Variants in ZBTB44 observed in about 807,000 individuals in gnomAD.
The protein encoded by ZBTB44 is zinc finger and BTB domain containing 44.
A neutral mutation model predicts 54.0 loss-of-function variants in ZBTB44; 15 were observed. The observed-to-expected ratio is 0.28, with a 90% CI of 0.19 to 0.43. The LOEUF is 0.43. Among genes scored for constraint, ZBTB44 ranks in the 20% least tolerant of loss-of-function variants. ZBTB44 has a pLI of 1.00. For missense variants in ZBTB44, 487 were observed against 707.1 expected, an observed-to-expected ratio of 0.69 and a Z score of 3.53; for synonymous variants, 230 against 250.1, an observed-to-expected ratio of 0.92 and a Z score of 0.76.
At position 130,229,599 on chromosome 11, in the gene ZBTB44, A is replaced by ATGGTT. The variant is rs2136238922; in HGVS notation, c.*2164_*2165insAACCA. On this transcript the variant is annotated 3_prime_UTR_variant, in exon 8 of 8. Coordinates refer to ENST00000357899, the MANE Select transcript of ZBTB44 (RefSeq NM_001301098.2). Reference sequence around the variant, plus strand: ...AAGGAACAACTTAATTTAAATGTTCATAGTTTGAGTTTAAAGCCTGTGGGA... The same window carrying ATGGTT: ...AAGGAACAACTTAATTTAAATGTTCATGGTTTAGTTTGAGTTTAAAGCCTGTGGGA... 6.6e-6 allele frequency: 1 copy of ATGGTT among 152,306 alleles called. No individual in the cohort carries two copies. The highest frequency in any genetic ancestry group is 1.5e-5 in the Non-Finnish European group (1 of 67,998). The allele number at this position is 152,306 out of a possible 1,614,324, so 9.4% of individuals were successfully genotyped here.
At chr11:130,301,752 A>G (rs549805172) in intron 1 of ZBTB44, among the ~76,000 whole-genome samples, 1 of 152,348 alleles carries the variant, frequency 6.6e-6, no homozygotes, top group East Asian at 1.9e-4. Context: ...TTTTATATTA[A>G]AAGTAGTAAC....
chr11:130,237,269 C>T (rs1190536631), intron 4 of ZBTB44, among the ~76,000 whole-genome samples, 176 bp from the exon 5 acceptor site: 1 of 152,056 alleles, frequency 6.6e-6, no homozygotes, highest in Non-Finnish European at 1.5e-5. Flanking sequence ...TGTGAAAAGT[C>T]ACAAGTGCTT....
chr11:130,227,840 C>G lies in ZBTB44; in HGVS notation c.*3924G>C, dbSNP rs1438949521. On this transcript the variant is annotated 3_prime_UTR_variant, in exon 8 of 8. Coordinates refer to ENST00000357899, the MANE Select transcript of ZBTB44 (RefSeq NM_001301098.2). Reference sequence around the variant, plus strand: ...CAACAGTTTCTTCTATCACTTAATTCTGGTCTTATTACCTCAGTCTGACTT... The same window carrying G: ...CAACAGTTTCTTCTATCACTTAATTGTGGTCTTATTACCTCAGTCTGACTT... 6.6e-6 allele frequency: 1 copy of G among 152,084 alleles called. No individual in the cohort carries two copies. The highest frequency in any genetic ancestry group is 1.5e-5 in the Non-Finnish European group (1 of 68,000). The allele number at this position is 152,084 out of a possible 1,614,324, so 9.4% of individuals were successfully genotyped here. A position where few individuals can be genotyped will look rare whatever the true frequency, so the allele number is the denominator to read the frequency against.
chr11:130,260,905 A>G lies in ZBTB44; in HGVS notation c.969T>C (p.Ser323=), dbSNP rs774951952. ...SLSDQQTVPG[S]EQVQEDLLIS... ...TCAGAAGGTCCTCTTGGACTTGTTC[A>G]CTTCCTGGAACTGTCTGCTGATCAC... The change falls in exon 2 of 8, where the codon AGT becomes AGC. Residue 323 remains serine, a synonymous_variant. Transcript: ENST00000357899. The G allele has an allele frequency of 1.5e-5, 25 of 1,613,904 alleles. No homozygotes were observed. Among genetic ancestry groups the G allele is most frequent in the Non-Finnish European group, 2.1e-5 (25 of 1,179,912 alleles).
At chr11:130,270,283 A>G (rs1156414666) in intron 1 of ZBTB44, among the ~76,000 whole-genome samples, 1 of 152,214 alleles carries the variant, frequency 6.6e-6, no homozygotes, top group Non-Finnish European at 1.5e-5. Context: ...CTTATATTCT[A>G]ATTAAAACCC....
intron 1 of ZBTB44, among the ~76,000 whole-genome samples, chr11:130,273,391 C>A (rs1446667116): frequency 6.7e-6 from 1 of 148,872 alleles, no homozygotes; most frequent in African/African-American, 2.5e-5. Flanking sequence ...CTCACTGAAG[C>A]CTTGATCTGC....
intron 5 of ZBTB44, chr11:130,236,308 A>T (rs1216530685): frequency 8.4e-7 from 1 of 1,195,486 alleles, no homozygotes; most frequent in Non-Finnish European, 1.1e-6. Context: ...CATGATCTAA[A>T]CCATCACACC....
chr11:130,236,725 G>T, intron 5 of ZBTB44, 68 bp downstream of exon 5: 4 of 1,315,658 alleles, frequency 3.0e-6, no homozygotes, highest in Non-Finnish European at 3.9e-6. Context: ...ACAGAAGGCT[G>T]CCCTAAAAGC....
At chr11:130,251,175 C>G (rs978284880) in intron 2 of ZBTB44, among the ~76,000 whole-genome samples, 1 of 152,014 alleles carries the variant, frequency 6.6e-6, no homozygotes, top group Non-Finnish European at 1.5e-5. Context: ...CTGAATGGAT[C>G]AAGCGGAAGA....
intron 3 of ZBTB44, chr11:130,239,174 T>G (rs1954245714): frequency 6.5e-6 from 1 of 152,676 alleles, no homozygotes; most frequent in Admixed American, 6.5e-5. Context: ...GAAAAAAGAT[T>G]AAGAACAATC....
chr11:130,238,061 GAA>G (rs1954188311), intron 4 of ZBTB44, among the ~76,000 whole-genome samples: 1 of 152,118 alleles, frequency 6.6e-6, no homozygotes, highest in East Asian at 1.9e-4. Context: ...TTTTATTTGG[GAA>G]AAATTTCAAA....
At chr11:130,236,341 T>G in intron 5 of ZBTB44, 3 of 921,636 alleles carry the variant, frequency 3.3e-6, no homozygotes, top group Non-Finnish European at 4.2e-6. Flanking sequence ...CTTTGAAATT[T>G]TTCTTACTGG....
intron 1 of ZBTB44, among the ~76,000 whole-genome samples, chr11:130,293,842 GT>G (rs1044828113): frequency 2.0e-5 from 3 of 152,020 alleles, no homozygotes; most frequent in African/African-American, 7.2e-5. Flanking sequence ...ATAACTAGTT[GT>G]TTTTCAATGA....
intron 1 of ZBTB44, among the ~76,000 whole-genome samples, chr11:130,303,681 A>C (rs11222038): frequency 2.6e-5 from 4 of 152,130 alleles, no homozygotes; most frequent in Non-Finnish European, 4.4e-5. Flanking sequence ...AACACCCCCC[A>C]AAAAATATCA....
chr11:130,298,367 C>T (rs1941785108), intron 1 of ZBTB44, among the ~76,000 whole-genome samples: 1 of 151,816 alleles, frequency 6.6e-6, no homozygotes, highest in Non-Finnish European at 1.5e-5. Context: ...TGGTCTCAAA[C>T]TCCTGGGGCT....
At chr11:130,257,581 G>C (rs1938543417) in intron 2 of ZBTB44, among the ~76,000 whole-genome samples, 1 of 152,210 alleles carries the variant, frequency 6.6e-6, no homozygotes, top group Non-Finnish European at 1.5e-5. Context: ...TCTTCAAAGA[G>C]AGAAAGATCC....
At chr11:130,238,732 T>C (rs1273793441) in intron 3 of ZBTB44, 125 bp from the exon 4 acceptor site, 6 of 1,005,804 alleles carry the variant, frequency 6.0e-6, no homozygotes, top group Non-Finnish European at 5.4e-6. Flanking sequence ...AGTTTAACTG[T>C]TAGACTTCAA....
At chr11:130,265,917 C>A (rs938773933) in intron 1 of ZBTB44, among the ~76,000 whole-genome samples, 3 of 152,168 alleles carry the variant, frequency 2.0e-5, no homozygotes, top group Non-Finnish European at 4.4e-5. Context: ...GTGCTGATGT[C>A]GAAGCTGCAA....
chr11:130,305,489 A>G (rs548040154), intron 1 of ZBTB44, among the ~76,000 whole-genome samples: 2 of 152,216 alleles, frequency 1.3e-5, no homozygotes, highest in Non-Finnish European at 2.9e-5. Context: ...CAAAGCAAAC[A>G]AAAACATAAA....
Sources: gnomAD v4.1 joint callset for allele counts (sites outside exome capture counted in the v4.1 genomes callset) on GRCh38, gnomAD v4.1.1 for gene constraint, MANE v1.5 for transcripts, NCBI Gene and HGNC (gene_info 2026-07-23, HGNC 2026-07-21) for gene names.